SLC8A1: variants seen among roughly 807,000 people sequenced by gnomAD.
SLC8A1 encodes the protein sodium/calcium exchanger 1.
In SLC8A1, 18 loss-of-function variants were observed where a neutral mutation model predicts 68.3. The observed-to-expected ratio is 0.26, with a 90% CI of 0.18 to 0.39. The LOEUF is 0.39. Ranked by LOEUF, SLC8A1 falls within the 10% of genes least tolerant of loss-of-function variation. The pLI, the probability that SLC8A1 is intolerant of heterozygous loss-of-function variation, is 1.00. For missense variants in SLC8A1, 985 were observed against 1,156.7 expected (o/e 0.85, Z 2.15); for synonymous variants, 475 against 415.5 (o/e 1.14, Z -1.74).
At chr2:40,120,452 C>G (rs954094239) in intron 7 of SLC8A1, among the ~76,000 whole-genome samples, 1 of 152,206 alleles carries the variant, frequency 6.6e-6, no homozygotes, top group Non-Finnish European at 1.5e-5. Flanking sequence ...TCTGTATGCT[C>G]TCGGCAAGTC....
At chr2:40,236,074 C>G (rs1055451946) in intron 2 of SLC8A1, among the ~76,000 whole-genome samples, 48 of 152,030 alleles carry the variant, frequency 3.2e-4, no homozygotes, top group African/African-American at 1.1e-3. Flanking sequence ...AATGTATATT[C>G]TGTTGATTTG....
At chr2:40,434,242 T>C (rs1698963273) in intron 1 of SLC8A1, among the ~76,000 whole-genome samples, 1 of 152,198 alleles carries the variant, frequency 6.6e-6, no homozygotes, top group South Asian at 2.1e-4. Context: ...TACAATTATA[T>C]TCAAAAGAGA....
intron 2 of SLC8A1, among the ~76,000 whole-genome samples, chr2:40,207,620 G>C (rs565028584): frequency 5.9e-5 from 9 of 151,964 alleles, no homozygotes; most frequent in African/African-American, 2.2e-4. Flanking sequence ...TCCACATTAA[G>C]AAGATGAAAA....
chr2:40,299,289 G>A (rs2070986649), intron 2 of SLC8A1, among the ~76,000 whole-genome samples: 2 of 152,144 alleles, frequency 1.3e-5, no homozygotes, highest in South Asian at 4.1e-4. Context: ...TCCATAAAGG[G>A]AGTTGATTGC....
intron 2 of SLC8A1, among the ~76,000 whole-genome samples, chr2:40,426,231 C>G (rs1371846185): frequency 2.0e-5 from 3 of 151,964 alleles, no homozygotes; most frequent in Non-Finnish European, 4.4e-5. Flanking sequence ...TTTCACATTT[C>G]AATTAAGCAA....
intron 2 of SLC8A1, among the ~76,000 whole-genome samples, chr2:40,246,356 C>A (rs1261581157): frequency 1.3e-5 from 2 of 152,226 alleles, no homozygotes; most frequent in African/African-American, 4.8e-5. Context: ...ACCCTGCAAT[C>A]ATGCAACTTT....
At chr2:40,301,517 T>A (rs1559150588) in intron 2 of SLC8A1, among the ~76,000 whole-genome samples, 2 of 151,778 alleles carry the variant, frequency 1.3e-5, no homozygotes, top group Non-Finnish European at 2.9e-5. Context: ...TCATATGTTC[T>A]CACTCATAAA....
At chr2:40,156,018 G>A (rs1558554989) in intron 6 of SLC8A1, among the ~76,000 whole-genome samples, 1 of 152,288 alleles carries the variant, frequency 6.6e-6, no homozygotes, top group Non-Finnish European at 1.5e-5. Flanking sequence ...TTTCTTTGAG[G>A]CTAAACTTCA....
intron 2 of SLC8A1, among the ~76,000 whole-genome samples, chr2:40,393,631 C>T (rs368695393): frequency 3.3e-5 from 5 of 152,170 alleles, no homozygotes; most frequent in Non-Finnish European, 7.4e-5. Context: ...TGAGGGTGCT[C>T]CCAGCAAAAC....
chr2:40,113,503 C>A (rs1211795313), exon 8 of SLC8A1: 2 of 148,988 alleles, frequency 1.3e-5, no homozygotes, highest in Non-Finnish European at 3.0e-5. Flanking sequence ...TATTTAATTG[C>A]CTTCTCTTTC....
At chr2:40,325,197 T>G (rs2075669416) in intron 2 of SLC8A1, among the ~76,000 whole-genome samples, 1 of 152,204 alleles carries the variant, frequency 6.6e-6, no homozygotes, top group African/African-American at 2.4e-5. Context: ...CAGACAGTTT[T>G]CCTTGTGAGG....
chr2:40,372,288 C>T (rs774725325), intron 2 of SLC8A1, among the ~76,000 whole-genome samples: 14 of 152,064 alleles, frequency 9.2e-5, no homozygotes, highest in Non-Finnish European at 1.8e-4. Context: ...AATAAACACC[C>T]AGTTGCTGTG....
At chr2:40,330,775 TTGAC>T (rs1414019202) in intron 2 of SLC8A1, among the ~76,000 whole-genome samples, 1 of 152,208 alleles carries the variant, frequency 6.6e-6, no homozygotes, top group Non-Finnish European at 1.5e-5. Context: ...TGCTAAATAA[TTGAC>T]TGATCATGAT....
intron 2 of SLC8A1, among the ~76,000 whole-genome samples, chr2:40,329,820 G>A (rs1320718520): frequency 6.6e-6 from 1 of 152,164 alleles, no homozygotes; most frequent in Non-Finnish European, 1.5e-5. Flanking sequence ...GCTGACTGGA[G>A]TCCTGGCACG....
chr2:40,273,340 G>A (rs1239806895), intron 2 of SLC8A1, among the ~76,000 whole-genome samples: 5 of 151,536 alleles, frequency 3.3e-5, no homozygotes, highest in East Asian at 1.9e-4. Flanking sequence ...TGATCCACCC[G>A]CCTCGGCTTC....
chr2:40,331,527 T>G (rs1168148293), intron 2 of SLC8A1, among the ~76,000 whole-genome samples: 1 of 152,200 alleles, frequency 6.6e-6, no homozygotes, highest in African/African-American at 2.4e-5. Context: ...TAAAATAGGA[T>G]GAGTTTTGTA....
intron 2 of SLC8A1, among the ~76,000 whole-genome samples, chr2:40,237,009 C>T (rs1314304550): frequency 6.8e-6 from 1 of 148,136 alleles, no homozygotes; most frequent in East Asian, 2.0e-4. Flanking sequence ...GGTAACCCGA[C>T]CTTTCTCTCT....
intron 2 of SLC8A1, among the ~76,000 whole-genome samples, chr2:40,392,869 C>T (rs1341387679): frequency 6.6e-6 from 1 of 152,072 alleles, no homozygotes. Context: ...CTACTTTTTA[C>T]TCACTTCACT....
At chr2:40,509,659 G>A (rs978003946) in intron 1 of SLC8A1, among the ~76,000 whole-genome samples, 32 of 151,748 alleles carry the variant, frequency 2.1e-4, no homozygotes, top group Non-Finnish European at 1.0e-4. Flanking sequence ...CATAGACCAG[G>A]CCCACAGCTA....
Sources: allele counts gnomAD v4.1 joint callset (sites outside exome capture counted in the v4.1 genomes callset), GRCh38; gene constraint gnomAD v4.1.1; transcripts MANE v1.5; gene names NCBI Gene and HGNC (gene_info 2026-07-23, HGNC 2026-07-21).